ATP11A: variants seen among roughly 807,000 people sequenced by gnomAD.
ATP11A encodes phospholipid-transporting ATPase IH.
ATP11A carries 81 observed loss-of-function variants against 154.4 expected under a neutral mutation model. That is an observed-to-expected ratio of 0.52 (90% confidence interval 0.44 to 0.63). The LOEUF (loss-of-function observed/expected upper bound fraction) is 0.63. Among genes scored for constraint, ATP11A ranks in the 30% least tolerant of loss-of-function variants. The probability of loss-of-function intolerance (pLI) is 0.00; values close to 1 mark genes in which losing one functional copy is unlikely to be tolerated. For synonymous variants in ATP11A, 623 were observed against 585.9 expected (o/e 1.06, Z -0.91); for missense variants, 1,316 against 1,474.3 (o/e 0.89, Z 1.76).
At chr13:112,867,465 G>A (rs2080374010) in intron 25 of ATP11A, among the ~76,000 whole-genome samples, 1 of 152,322 alleles carries the variant, frequency 6.6e-6, no homozygotes, top group Non-Finnish European at 1.5e-5. Flanking sequence ...TCCTAGGAGG[G>A]CAGCCCGGCT....
At chr13:112,730,372 A>T (rs1021714757) in intron 1 of ATP11A, among the ~76,000 whole-genome samples, 1 of 152,214 alleles carries the variant, frequency 6.6e-6, no homozygotes, top group African/African-American at 2.4e-5. Context: ...AGGCTGGCAA[A>T]TTCCTGGCAT....
At chr13:112,727,204 T>C (rs1429018784) in intron 1 of ATP11A, among the ~76,000 whole-genome samples, 1 of 152,130 alleles carries the variant, frequency 6.6e-6, no homozygotes, top group Admixed American at 6.5e-5. Context: ...TGTGCCACCA[T>C]GCCTGGCTAA....
chr13:112,749,476 C>T (rs1054177733), intron 1 of ATP11A, among the ~76,000 whole-genome samples: 38 of 152,186 alleles, frequency 2.5e-4, no homozygotes, highest in African/African-American at 8.9e-4. Context: ...AAAGTTGCAA[C>T]TTGTTGAGTA....
rs776393851 is a variant in ATP11A, at chr13:112,859,468, T to G, written c.2727+16T>G. On this transcript the variant is annotated intron_variant, in intron 23 of 29. Coordinates refer to ENST00000375645, the MANE Select transcript of ATP11A (RefSeq NM_015205.3). This position sits in a 1 kb window ranked among gnomAD's most constrained non-coding sequence, Gnocchi z 4.3. ...TTCACAACAGGTCAGTCCTAGGGTCTTCAGGGACAGGCTGTCTGAGCCTTC... is the reference window on the plus strand; with the variant it reads ...TTCACAACAGGTCAGTCCTAGGGTCGTCAGGGACAGGCTGTCTGAGCCTTC... 2.5e-6 allele frequency: 4 copies of G among 1,606,680 alleles called. No individual in the cohort carries two copies. The South Asian group carries it at 4.4e-5, about 18-fold the overall frequency.
intron 1 of ATP11A, among the ~76,000 whole-genome samples, chr13:112,743,631 G>GT (rs1891793306): frequency 6.6e-6 from 1 of 151,588 alleles, no homozygotes; most frequent in Non-Finnish European, 1.5e-5. Context: ...GATAACCTGT[G>GT]CGATGTTGCA....
At chr13:112,806,522 G>A (rs1209331142) in intron 4 of ATP11A, among the ~76,000 whole-genome samples, 1 of 152,164 alleles carries the variant, frequency 6.6e-6, no homozygotes, top group Non-Finnish European at 1.5e-5. Context: ...GAAATCTGTG[G>A]TTTTCACATC....
chr13:112,794,147 A>G (rs1433106482), intron 2 of ATP11A, among the ~76,000 whole-genome samples: 1 of 152,210 alleles, frequency 6.6e-6, no homozygotes, highest in Non-Finnish European at 1.5e-5. Context: ...TGTAGGAGGA[A>G]AACCACTTGG....
rs771334353 is a variant in ATP11A, at chr13:112,840,163, C to CCCGTGCCGT, written c.1706-2111_1706-2110insGTGCCGTCC. Among the ~76,000 whole-genome samples, 4 of 108,228 alleles carry CCCGTGCCGT rather than the reference C, an allele frequency of 3.7e-5. 1 individual carries two copies. The highest frequency in any genetic ancestry group is 8.1e-5 in the Non-Finnish European group (4 of 49,272). The allele number at this position is 108,228 out of a possible 152,430, so 71.0% of individuals were successfully genotyped here. On this transcript the variant is annotated intron_variant, in intron 16 of 29. Transcript: ENST00000375645. Reference sequence around the variant, plus strand: ...CCTCCAGCCTCAGCCTCCCCACTCTCCCATCCCCCCCAGCCTCAGCCTCCC... The same window carrying CCCGTGCCGT: ...CCTCCAGCCTCAGCCTCCCCACTCTCCCGTGCCGTCCATCCCCCCCAGCCTCAGCCTCCC...
chr13:112,752,764 G>A (rs551414762), intron 1 of ATP11A, among the ~76,000 whole-genome samples: 7 of 152,300 alleles, frequency 4.6e-5, no homozygotes, highest in Admixed American at 2.0e-4. Flanking sequence ...TTCCACCGCC[G>A]ATAACCACAG....
chr13:112,718,620 G>T (rs544525625), intron 1 of ATP11A, among the ~76,000 whole-genome samples: 53 of 151,808 alleles, frequency 3.5e-4, no homozygotes, highest in African/African-American at 1.2e-3. Context: ...CTGGGTCCTG[G>T]ATCCCTGGGT....
chr13:112,802,168 C>A (rs2140120354), intron 2 of ATP11A, among the ~76,000 whole-genome samples: 1 of 152,176 alleles, frequency 6.6e-6, no homozygotes, highest in South Asian at 2.1e-4. Flanking sequence ...CACGATGAAA[C>A]CCCATCTCTA....
Position 112,826,701 on chromosome 13 carries a change from A to G in ATP11A, c.1031A>G (p.Lys344Arg), listed in dbSNP as rs548909060. 2 of 1,614,170 alleles carry G rather than the reference A, an allele frequency of 1.2e-6. No homozygotes were observed. Among genetic ancestry groups the G allele is most frequent in the South Asian group, 1.1e-5 (1 of 91,080 alleles). Residue 344 changes from lysine to arginine, a missense_variant, in exon 12 of 30, where the codon AAG becomes AGG. This residue lies in a region of ATP11A where 876 missense variants were observed against 1,006.8 expected (regional missense o/e 0.87). Coordinates refer to ENST00000375645, the MANE Select transcript of ATP11A (RefSeq NM_015205.3). ...CACCTTCTGCTCTTGCAGTTCCTCA[A>G]GGCATTCACGGACTTCCTGGCCTTC... ...ESERQRNLFL[K>R]AFTDFLAFMV...
chr13:112,766,379 T>C (rs1460118317), intron 1 of ATP11A, among the ~76,000 whole-genome samples: 1 of 152,198 alleles, frequency 6.6e-6, no homozygotes, highest in African/African-American at 2.4e-5. Flanking sequence ...AACCCAAAAC[T>C]GTATTCTCTC....
At chr13:112,812,822 C>G (rs1013958260) in intron 5 of ATP11A, among the ~76,000 whole-genome samples, 9 of 152,234 alleles carry the variant, frequency 5.9e-5, no homozygotes, top group African/African-American at 1.9e-4. Context: ...GTTCAGAGAG[C>G]AGATGGCCCT....
chr13:112,825,723 C>A, intron 11 of ATP11A, 143 bp downstream of exon 11: 1 of 1,002,540 alleles, frequency 1.0e-6, no homozygotes, highest in Non-Finnish European at 1.4e-6. Context: ...TAGATGCATT[C>A]ACTGAAATTT....
chr13:112,830,714 C>T (rs202057949), intron 12 of ATP11A, among the ~76,000 whole-genome samples: 2 of 152,204 alleles, frequency 1.3e-5, no homozygotes, highest in South Asian at 2.1e-4. Flanking sequence ...TCCCTGTGGA[C>T]GCGCCCAAGC....
chr13:112,714,538 C>T (rs1594384791), intron 1 of ATP11A, among the ~76,000 whole-genome samples: 1 of 152,356 alleles, frequency 6.6e-6, no homozygotes, highest in East Asian at 1.9e-4. Flanking sequence ...GGCGTCTCCA[C>T]TCCTGACCTG....
chr13:112,792,659 G>GA (rs1566490350), intron 2 of ATP11A, among the ~76,000 whole-genome samples: 1 of 151,216 alleles, frequency 6.6e-6, no homozygotes, highest in Non-Finnish European at 1.5e-5. Context: ...CTTCTTGGGG[G>GA]AGAGACTTTG....
intron 1 of ATP11A, among the ~76,000 whole-genome samples, chr13:112,718,734 G>T (rs112880447): frequency 0.12 from 17,186 of 149,282 alleles, 1,202 homozygotes; most frequent in South Asian, 0.18. Context: ...GCAATAGCAC[G>T]ATCTTGGCTC....
Sources: allele counts gnomAD v4.1 joint callset (sites outside exome capture counted in the v4.1 genomes callset), GRCh38; gene constraint gnomAD v4.1.1; regional missense constraint gnomAD v4.1.1; non-coding constraint Gnocchi (gnomAD v3.1); transcripts MANE v1.5; gene names NCBI Gene and HGNC (gene_info 2026-07-23, HGNC 2026-07-21).